FAM91A1: variants seen among roughly 807,000 people sequenced by gnomAD.
FAM91A1 encodes the protein family with sequence similarity 91 member A1.
Under a neutral mutation model 113.5 loss-of-function variants are expected in FAM91A1, and 41 were observed. That is an observed-to-expected ratio of 0.36 (90% CI 0.28 to 0.47). The LOEUF (loss-of-function observed/expected upper bound fraction) is 0.47. Among genes scored for constraint, FAM91A1 ranks in the 20% least tolerant of loss-of-function variants. The probability of loss-of-function intolerance (pLI) is 1.00; values close to 1 mark genes in which losing one functional copy is unlikely to be tolerated. For missense variants in FAM91A1, 696 were observed against 1,001.2 expected (o/e 0.70, Z 4.11); for synonymous variants, 307 against 347.9 (o/e 0.88, Z 1.31).
At chr8:123,777,680 G>A (rs1028345745) in intron 4 of FAM91A1, among the ~76,000 whole-genome samples, 3 of 152,200 alleles carry the variant, frequency 2.0e-5, no homozygotes, top group African/African-American at 7.2e-5. Context: ...AACTTAACTT[G>A]CTGCTGTTTT....
chr8:123,772,492 G>A (rs1231180651), intron 1 of FAM91A1, among the ~76,000 whole-genome samples: 2 of 152,210 alleles, frequency 1.3e-5, no homozygotes, highest in Non-Finnish European at 2.9e-5. Flanking sequence ...TCTACAATGA[G>A]ATCTACTCTT....
chr8:123,778,080 T>C lies in FAM91A1; in HGVS notation c.423T>C (p.Cys141=). 6.2e-7 allele frequency: 1 copy of C among 1,611,886 alleles called. No individual in the cohort carries two copies. Among genetic ancestry groups the C allele is most frequent in the Non-Finnish European group, 8.5e-7 (1 of 1,178,714 alleles). ...AGTATATTGATCTTATGAATCAGTG[T>C]AGATCATCAAAAGTAAGTTAGTACT... ...RNQYIDLMNQ[C]RSSKKFFRRK... Residue 141 remains cysteine, a synonymous_variant, in exon 5 of 24, where the codon TGT becomes TGC. Transcript: ENST00000334705.
intron 3 of FAM91A1, 30 bp from the exon 4 acceptor site, chr8:123,777,235 T>G: frequency 1.4e-6 from 2 of 1,438,258 alleles, no homozygotes; most frequent in South Asian, 2.4e-5. Context: ...CATTTTAGAT[T>G]TCAAATTTAA....
Position 123,812,537 on chromosome 8 carries a change from G to A in FAM91A1, c.2350G>A (p.Asp784Asn). 1 of 1,584,824 alleles carries A rather than the reference G, an allele frequency of 6.3e-7. No individual in the cohort carries two copies. The highest frequency in any genetic ancestry group is 8.5e-7 in the Non-Finnish European group (1 of 1,169,630). The part of the protein sequence containing the change: ...HSFQEGASIL[D>N]IHTEPSFSSL... ...CTTTTAGGAAGGTGCTTCAATATTG[G>A]ATATTCACACAGAGCCCAGTTTTTC... is the stretch of plus-strand genomic sequence containing the variant. The change falls in exon 24 of 24, where the codon GAT becomes AAT. Residue 784 changes from aspartate (D) to asparagine (N), a missense_variant. Transcript: ENST00000334705.
chr8:123,775,977 A>T (rs1254898166), intron 3 of FAM91A1, among the ~76,000 whole-genome samples: 1 of 152,186 alleles, frequency 6.6e-6, no homozygotes, highest in Non-Finnish European at 1.5e-5. Context: ...GAAAAAAAAG[A>T]AAAGAAAAGA....
In FAM91A1 at chr8:123,775,971, A is replaced by AAAAAG. The variant is rs1183100255; in HGVS notation, c.309+688_309+692dup. On this transcript the variant is annotated intron_variant, in intron 3 of 23. Coordinates refer to ENST00000334705, the MANE Select transcript of FAM91A1 (RefSeq NM_144963.4). ...CACAGTGAGACTGTCTCAAAAGAAA[A>AAAAAG]AAAAGAAAAGAAAAGAAAATTAATG... 2.6e-5 allele frequency among the ~76,000 whole-genome samples: 4 copies of AAAAAG among 152,204 alleles called. No homozygotes were observed. In the East Asian group the frequency reaches 7.7e-4, roughly 29 times the overall value.
Position 123,784,628 on chromosome 8 carries a change from G to T in FAM91A1, c.810+52G>T, listed in dbSNP as rs759746993. The T allele has an allele frequency of 2.7e-5, 34 of 1,281,224 alleles. No individual in the cohort carries two copies. The East Asian group carries it at 4.4e-4, about 17-fold the overall frequency. The allele number at this position is 1,281,224 out of a possible 1,614,324, so 79.4% of individuals were successfully genotyped here. ...TATAATCTCAAGATTGTAAGTTTGT[G>T]TAAAGTAAGTAAAGTTATTTAATAT... On this transcript the variant is annotated intron_variant, in intron 9 of 23. Coordinates refer to ENST00000334705, the MANE Select transcript of FAM91A1 (RefSeq NM_144963.4).
In FAM91A1 at chr8:123,809,036, G is replaced by A; in HGVS notation, c.2261+20G>A. 2 of 1,606,304 alleles carry A rather than the reference G, an allele frequency of 1.2e-6. No homozygotes were observed. The highest frequency in any genetic ancestry group is 1.7e-6 in the Non-Finnish European group (2 of 1,175,562). On this transcript the variant is annotated intron_variant, in intron 22 of 23. Transcript: ENST00000334705. ...AGAGAGGTGAGGGTTTATATTCGCT[G>A]TCATATTTTCATATCAATTTTTAAG...
intron 1 of FAM91A1, among the ~76,000 whole-genome samples, chr8:123,769,790 T>C (rs1814795174): frequency 6.6e-6 from 1 of 152,230 alleles, no homozygotes; most frequent in Non-Finnish European, 1.5e-5. Flanking sequence ...TGATATGGGC[T>C]ACAGATAACG....
intron 21 of FAM91A1, 66 bp downstream of exon 21, chr8:123,808,442 G>A: frequency 7.9e-7 from 1 of 1,261,960 alleles, no homozygotes; most frequent in Non-Finnish European, 1.1e-6. Context: ...TTATGTTAAG[G>A]CATTTGCATG....
intron 18 of FAM91A1, among the ~76,000 whole-genome samples, chr8:123,804,519 A>T (rs1815758891): frequency 6.9e-6 from 1 of 144,188 alleles, no homozygotes; most frequent in Admixed American, 7.0e-5. Flanking sequence ...AAAAAAAAAA[A>T]AAGAGGTATA....
At chr8:123,794,094 C>T (rs181116449) in intron 15 of FAM91A1, among the ~76,000 whole-genome samples, 2 of 152,276 alleles carry the variant, frequency 1.3e-5, no homozygotes, top group Admixed American at 1.3e-4. Flanking sequence ...AGGAGAGAAG[C>T]ACATAGCTTC....
chr8:123,812,601 T>A lies in FAM91A1; in HGVS notation c.2414T>A (p.Val805Asp), dbSNP rs750555374. The A allele has an allele frequency of 6.2e-7, 1 of 1,612,098 alleles. No individual in the cohort carries two copies. Among genetic ancestry groups the A allele is most frequent in the South Asian group, 1.1e-5 (1 of 90,698 alleles). The change falls in exon 24 of 24, where the codon GTT becomes GAT. Residue 805 changes from valine to aspartate, a missense_variant. Transcript: ENST00000334705. The part of the protein sequence containing the change: ...LSQSSCADMG[V>D]PLPAKNLIFK... ...CAGTCATCGTGTGCTGACATGGGTG[T>A]TCCACTTCCTGCAAAAAACTTAATA...
At chr8:123,801,644 G>A (rs1373561751) in intron 18 of FAM91A1, among the ~76,000 whole-genome samples, 3 of 152,146 alleles carry the variant, frequency 2.0e-5, no homozygotes, top group Non-Finnish European at 4.4e-5. Flanking sequence ...TACATATAGT[G>A]GAAGACTTAA....
At chr8:123,812,399 G>A (rs1238681990) in intron 23 of FAM91A1, 120 bp from the exon 24 acceptor site, 2 of 776,446 alleles carry the variant, frequency 2.6e-6, no homozygotes, top group Non-Finnish European at 4.0e-6. Flanking sequence ...TGCATCTCCT[G>A]TACTGCTTTG....
At chr8:123,787,872 A>G (rs1236967145) in intron 14 of FAM91A1, 122 bp downstream of exon 14, 7 of 677,092 alleles carry the variant, frequency 1.0e-5, no homozygotes, top group Admixed American at 3.5e-5. Flanking sequence ...GCTCGTTCCT[A>G]CCTCATTCCC....
chr8:123,768,826 G>T, intron 1 of FAM91A1, 52 bp downstream of exon 1: 2 of 1,571,702 alleles, frequency 1.3e-6, no homozygotes, highest in Non-Finnish European at 1.7e-6. Flanking sequence ...CCGCCCAGCG[G>T]TCACCTGCTT....
chr8:123,774,703 T>G (rs1586367621), intron 2 of FAM91A1, among the ~76,000 whole-genome samples: 1 of 152,164 alleles, frequency 6.6e-6, no homozygotes, highest in East Asian at 1.9e-4. Context: ...ATTTCTGACA[T>G]TGTTTTTCTT....
At chr8:123,793,453 T>C (rs996186524) in intron 15 of FAM91A1, among the ~76,000 whole-genome samples, 1 of 152,222 alleles carries the variant, frequency 6.6e-6, no homozygotes, top group Admixed American at 6.5e-5. Flanking sequence ...TCGTATTCTC[T>C]GTATGAATTT....
Sources: gnomAD v4.1 joint callset for allele counts (sites outside exome capture counted in the v4.1 genomes callset) on GRCh38, gnomAD v4.1.1 for gene constraint, MANE v1.5 for transcripts, NCBI Gene and HGNC (gene_info 2026-07-23, HGNC 2026-07-21) for gene names.